The following RELN variants were observed in gnomAD, a reference collection of about 807,000 sequenced individuals.
RELN encodes reelin.
RELN carries 108 observed loss-of-function variants against 427.6 expected under a neutral mutation model. That is an observed-to-expected ratio of 0.25 (90% CI 0.22 to 0.30). RELN has a LOEUF of 0.30. RELN is among the 10% of genes least tolerant of loss of function. The pLI, the probability that RELN is intolerant of heterozygous loss-of-function variation, is 1.00. For missense variants in RELN, 3,715 were observed against 4,302.8 expected, an observed-to-expected ratio of 0.86 and a Z score of 3.82; for synonymous variants, 1,524 against 1,513.4, an observed-to-expected ratio of 1.01 and a Z score of -0.16.
intron 4 of RELN, among the ~76,000 whole-genome samples, chr7:103,769,613 G>C (rs1481479673): frequency 6.6e-6 from 1 of 152,152 alleles, no homozygotes; most frequent in Non-Finnish European, 1.5e-5. Flanking sequence ...AAATCCAAAA[G>C]TAAATCATGC....
intron 28 of RELN, 126 bp from the exon 29 acceptor site, chr7:103,575,831 TGCACTTAACC>T: frequency 4.7e-6 from 5 of 1,053,906 alleles, no homozygotes; most frequent in Non-Finnish European, 7.2e-6. Context: ...TCTGCTTGAC[TGCACTTAACC>T]TTCATAAGCT....
intron 51 of RELN, among the ~76,000 whole-genome samples, chr7:103,505,040 ATC>A (rs890179704): frequency 1.1e-4 from 16 of 152,284 alleles, no homozygotes; most frequent in Admixed American, 8.5e-4. Context: ...TGGGCAGGGC[ATC>A]TCTGAAAAAA....
At position 103,616,734 on chromosome 7, in the gene RELN, C is replaced by T. The variant is rs747243402; in HGVS notation, c.2703-4931G>A. On this transcript the variant is annotated intron_variant, in intron 20 of 64. Transcript: ENST00000428762. The stretch of plus-strand genomic sequence containing the variant: ...TACTCCTTTTTACAACATTTAATTG[C>T]CATCTTTCTATATTGACAAAATATG... Among the ~76,000 whole-genome samples the T allele has an allele frequency of 6.4e-4, 97 of 151,912 alleles. 1 individual carries two copies. The highest frequency in any genetic ancestry group is 1.2e-3 in the Non-Finnish European group (83 of 67,978).
At chr7:103,676,028 A>G (rs951787194) in intron 11 of RELN, among the ~76,000 whole-genome samples, 2 of 152,204 alleles carry the variant, frequency 1.3e-5, no homozygotes, top group African/African-American at 4.8e-5. Flanking sequence ...AAAAGCCAAA[A>G]TTGACAAATG....
chr7:103,500,952 A>AAAAC (rs1829006848), intron 52 of RELN, 30 bp from the exon 53 acceptor site: 1 of 1,609,950 alleles, frequency 6.2e-7, no homozygotes. Context: ...AAAGGAGTGA[A>AAAAC]AAACAAAAGT....
chr7:103,911,254 T>C lies in RELN; in HGVS notation c.337+5821A>G, dbSNP rs1408566659. On this transcript the variant is annotated intron_variant, in intron 2 of 64. Transcript: ENST00000428762. ...TGCAGCCAAAAAACACATGAAAAAA[T>C]GCTCATCATCACTAGCCATCAGAGA... Among the ~76,000 whole-genome samples the C allele has an allele frequency of 4.7e-5, 7 of 148,298 alleles. 1 individual carries two copies. The highest frequency in any genetic ancestry group is 1.0e-4 in the Non-Finnish European group (7 of 67,642).
intron 26 of RELN, 57 bp downstream of exon 26, chr7:103,594,264 T>C (rs1831486981): frequency 6.7e-7 from 1 of 1,494,170 alleles, no homozygotes; most frequent in African/African-American, 1.4e-5. Flanking sequence ...ATGAGTTCTT[T>C]ATGCCATTCA....
rs73175895 is a variant in RELN at position 103,480,246 on chromosome 7, C to A, written c.10281-1852G>T. 5.7e-3 allele frequency among the ~76,000 whole-genome samples: 866 copies of A among 152,228 alleles called. 7 individuals carry two copies. The highest frequency in any genetic ancestry group is 8.5e-3 in the South Asian group (41 of 4,824). ...ATTCCACCTATTTCTAAATATACAT[C>A]CTCTGAAGCAAAGTTATAATTAAGA... On this transcript the variant is annotated intron_variant, in intron 63 of 64. Transcript: ENST00000428762.
intron 3 of RELN, among the ~76,000 whole-genome samples, chr7:103,804,790 C>T (rs533111665): frequency 1.3e-5 from 2 of 152,182 alleles, no homozygotes; most frequent in Middle Eastern, 3.4e-3. Context: ...TAGAAAACAG[C>T]GTGCCCACAT....
rs115926658 is a variant in RELN, at chr7:103,726,374, C to T, written c.753+1737G>A. ...CATACAAATTCATCTTAGGAAAATA[C>T]TTATAATGGAAATATAAAAACTACA... On this transcript the variant is annotated intron_variant, in intron 7 of 64. Coordinates refer to ENST00000428762, the MANE Select transcript of RELN (RefSeq NM_005045.4). 5.1e-3 allele frequency among the ~76,000 whole-genome samples: 772 copies of T among 152,158 alleles called. 2 individuals carry two copies. Among genetic ancestry groups the T allele is most frequent in the African/African-American group, 0.018 (741 of 41,508 alleles).
At chr7:103,489,200 AG>A (rs1180606191) in intron 60 of RELN, among the ~76,000 whole-genome samples, 1 of 120,244 alleles carries the variant, frequency 8.3e-6, no homozygotes, top group Non-Finnish European at 1.7e-5. Flanking sequence ...TGAGTCATAA[AG>A]GGGTGTGTGT....
intron 6 of RELN, among the ~76,000 whole-genome samples, chr7:103,743,862 A>G (rs1790740523): frequency 1.3e-5 from 2 of 152,188 alleles, no homozygotes; most frequent in Admixed American, 1.3e-4. Flanking sequence ...AACAAGACAG[A>G]AAGTTAACAA....
chr7:103,542,961 G>A (rs985268368), intron 42 of RELN, 83 bp from the exon 43 acceptor site: 24 of 1,296,772 alleles, frequency 1.9e-5, no homozygotes, highest in Non-Finnish European at 2.4e-5. Context: ...TATGGTAAAT[G>A]CATTATGTAG....
intron 48 of RELN, among the ~76,000 whole-genome samples, 184 bp downstream of exon 48, chr7:103,521,838 G>A: frequency 6.6e-6 from 1 of 152,252 alleles, no homozygotes; most frequent in South Asian, 2.1e-4. Flanking sequence ...TTGGTATAAA[G>A]TATAGTATAA....
intron 1 of RELN, among the ~76,000 whole-genome samples, chr7:103,920,586 T>TG (rs1167941776): frequency 4.6e-4 from 28 of 60,476 alleles, no homozygotes; most frequent in Admixed American, 1.3e-3. Flanking sequence ...TTTGTTTTTT[T>TG]TTTTTTTGAG....
At chr7:103,931,263 GT>G (rs1795858783) in intron 1 of RELN, among the ~76,000 whole-genome samples, 1 of 152,140 alleles carries the variant, frequency 6.6e-6, no homozygotes, top group Admixed American at 6.5e-5. Flanking sequence ...TGTTATCCCA[GT>G]TTCAGGCCTT....
In RELN at chr7:103,569,532, G is replaced by C. The variant is rs1830834431; in HGVS notation, c.4588+2652C>G. On this transcript the variant is annotated intron_variant, in intron 31 of 64. Transcript: ENST00000428762. The surrounding 1 kb of genome is among the most constrained non-coding windows in gnomAD (Gnocchi z 4.0). ...AAATCTAAATTTGCATTTTAACAAGGCTCCCAAATGATTCAGGTGAACATT... is the reference window on the plus strand; with the variant it reads ...AAATCTAAATTTGCATTTTAACAAGCCTCCCAAATGATTCAGGTGAACATT... Among the ~76,000 whole-genome samples, 1 of 152,172 alleles carries C rather than the reference G, an allele frequency of 6.6e-6. No homozygotes were observed. Among genetic ancestry groups the C allele is most frequent in the Non-Finnish European group, 1.5e-5 (1 of 68,038 alleles).
intron 20 of RELN, among the ~76,000 whole-genome samples, chr7:103,627,581 T>C (rs59244914): frequency 0.13 from 20,244 of 152,046 alleles, 1,554 homozygotes; most frequent in South Asian, 0.2. Context: ...GGTTAATGTG[T>C]TTCTCTAGTC....
chr7:103,690,733 C>A (rs1407969391), intron 10 of RELN, among the ~76,000 whole-genome samples: 2 of 152,048 alleles, frequency 1.3e-5, no homozygotes, highest in Non-Finnish European at 2.9e-5. Context: ...GAGGGTGGGG[C>A]TCTGGGGAGC....
Sources: allele counts gnomAD v4.1 joint callset (sites outside exome capture counted in the v4.1 genomes callset), GRCh38; gene constraint gnomAD v4.1.1; non-coding constraint Gnocchi (gnomAD v3.1); transcripts MANE v1.5; gene names NCBI Gene and HGNC (gene_info 2026-07-23, HGNC 2026-07-21).